The following ZNF469 variants were observed in gnomAD, a reference collection of about 807,000 sequenced individuals.
ZNF469 encodes the protein zinc finger protein 469.
Under a neutral mutation model 1.0 loss-of-function variants are expected in ZNF469, and 1 was observed. That is an observed-to-expected ratio of 1.00 (90% CI 0.35 to 4.73). The LOEUF (loss-of-function observed/expected upper bound fraction) is 4.73, where lower values mean the gene tolerates loss of function less well. Among genes scored for constraint, ZNF469 ranks in the 30% most tolerant of loss-of-function variants. The probability of loss-of-function intolerance (pLI) is 0.16; values close to 1 mark genes in which losing one functional copy is unlikely to be tolerated. For synonymous variants in ZNF469, 2,703 were observed against 2,363.4 expected (o/e 1.14, Z -4.17); for missense variants, 6,100 against 5,356.3 (o/e 1.14, Z -4.33).
In ZNF469 at chr16:88,430,958, CG is replaced by C; in HGVS notation, c.3491del (p.Gly1164AlafsTer100). The C allele has an allele frequency of 6.5e-7, 1 of 1,535,750 alleles. No homozygotes were observed. The highest frequency in any genetic ancestry group is 8.7e-7 in the Non-Finnish European group (1 of 1,144,878). On this transcript the variant is annotated frameshift_variant, in exon 3 of 3. Transcript: ENST00000565624. LOFTEE classifies it low-confidence loss of function (END_TRUNC). ...ANPEEPGGSR[P>X]GPGRSPQARG... Reference sequence around the variant, plus strand: ...CCCGAGGAGCCGGGCGGGTCTCGCCCGGGCCCCGGCAGGAGCCCTCAGGCCC... The same window carrying C: ...CCCGAGGAGCCGGGCGGGTCTCGCCCGGCCCCGGCAGGAGCCCTCAGGCCC...
rs1013562167 is a variant in ZNF469 at position 88,432,854 on chromosome 16, C to G, written c.5384C>G (p.Ala1795Gly). 4.5e-6 allele frequency: 7 copies of G among 1,550,124 alleles called. No individual in the cohort carries two copies. The highest frequency in any genetic ancestry group is 6.1e-6 in the Non-Finnish European group (7 of 1,146,960). The change falls in exon 3 of 3, where the codon GCT becomes GGT. Residue 1795 changes from alanine to glycine, a missense_variant. Physicochemically the swap from Ala to Gly is moderately conservative, Grantham distance 60 (BLOSUM62 0). Transcript: ENST00000565624. ...CACCGAGGGGCCCCTGCTCCAGAAG[C>G]TTTTGGCAGCCCTGCTGTCCATCTG... ...QPHRGAPAPE[A>G]FGSPAVHLAP... is the part of the protein sequence containing the mutation.
chr16:88,354,552 G>A, the ZNF469 span, among the ~76,000 whole-genome samples: 1 of 152,182 alleles, frequency 6.6e-6, no homozygotes, highest in Non-Finnish European at 1.5e-5. Context: ...TGTCCAGTAG[G>A]GATAGCGGGA....
the ZNF469 span, among the ~76,000 whole-genome samples, chr16:88,229,643 GTGCT>G: frequency 5.3e-5 from 6 of 113,816 alleles, no homozygotes; most frequent in South Asian, 1.1e-3. Flanking sequence ...TCACGTGTGT[GTGCT>G]GATGTCACGC....
the ZNF469 span, among the ~76,000 whole-genome samples, chr16:88,185,750 G>A: frequency 8.5e-5 from 4 of 47,276 alleles, no homozygotes; most frequent in African/African-American, 3.0e-4. Flanking sequence ...ACACTCGTGT[G>A]CCCAGACCCA....
At position 88,437,177 on chromosome 16, in the gene ZNF469, C is replaced by T. The variant is rs1300846498; in HGVS notation, c.9707C>T (p.Pro3236Leu). The change falls in exon 3 of 3, where the codon CCC becomes CTC. Residue 3236 changes from proline (P) to leucine (L), a missense_variant. By Grantham distance (98) the Pro-to-Leu change is moderately conservative. Transcript: ENST00000565624. ...HLLNSITEPA[P>L]KHHRGKRSAG... ...CTGAACAGCATCACGGAACCCGCGCCCAAACACCACAGGGGCAAGCGCTCC... is the reference window on the plus strand; with the variant it reads ...CTGAACAGCATCACGGAACCCGCGCTCAAACACCACAGGGGCAAGCGCTCC... 6.5e-7 allele frequency: 1 copy of T among 1,549,522 alleles called. No individual in the cohort carries two copies. The highest frequency in any genetic ancestry group is 2.0e-5 in the Admixed American group (1 of 50,984).
rs890326716 is a variant in ZNF469, at chr16:88,433,354, G to A, written c.5884G>A (p.Val1962Met). ...CGPAQGSPGG[V>M]QVTTLPAVAG... ...CCCCGCCCAGGGCTCCCCAGGGGGT[G>A]TGCAGGTGACAACTCTCCCTGCAGT... Residue 1962 changes from valine to methionine, a missense_variant, in exon 3 of 3, where the codon GTG (valine) becomes ATG (methionine). Val to Met is a conservative substitution (Grantham distance 21). Transcript: ENST00000565624. 5 of 1,550,298 alleles carry A rather than the reference G, an allele frequency of 3.2e-6. No homozygotes were observed. The highest frequency in any genetic ancestry group is 4.9e-5 in the East Asian group (2 of 40,920).
the ZNF469 span, among the ~76,000 whole-genome samples, chr16:88,212,903 A>C: frequency 1.3e-5 from 2 of 151,980 alleles, no homozygotes; most frequent in Admixed American, 6.6e-5. Flanking sequence ...AGTTCCATCA[A>C]CTTGTACCTT....
At chr16:88,243,546 C>T in the ZNF469 span, among the ~76,000 whole-genome samples, 1 of 152,138 alleles carries the variant, frequency 6.6e-6, no homozygotes, top group Non-Finnish European at 1.5e-5. Flanking sequence ...AACTTGGGTT[C>T]CCAGGCGAGC....
At chr16:88,380,992 A>ACAT (rs1491412830), upstream of ZNF469, among the ~76,000 whole-genome samples, 2 of 92,616 alleles carry the variant, frequency 2.2e-5, no homozygotes, top group African/African-American at 5.0e-5. Context: ...GCACTCACAC[A>ACAT]GACATGCACT....
At chr16:88,224,610 A>G in the ZNF469 span, among the ~76,000 whole-genome samples, 1 of 152,170 alleles carries the variant, frequency 6.6e-6, no homozygotes, top group Non-Finnish European at 1.5e-5. Context: ...GAGCAGCCTG[A>G]CACGCAGCAG....
the ZNF469 span, among the ~76,000 whole-genome samples, chr16:88,364,182 G>A: frequency 2.6e-5 from 4 of 152,138 alleles, no homozygotes; most frequent in Middle Eastern, 3.2e-3. Context: ...TCAACATTCA[G>A]TACTCAGTTG....
At chr16:88,317,840 C>T in the ZNF469 span, among the ~76,000 whole-genome samples, 2 of 152,240 alleles carry the variant, frequency 1.3e-5, no homozygotes, top group Admixed American at 6.5e-5. Context: ...ATTCACCATA[C>T]TTCCTCCTGC....
chr16:88,334,973 G>T, the ZNF469 span, among the ~76,000 whole-genome samples: 1 of 152,138 alleles, frequency 6.6e-6, no homozygotes, highest in Admixed American at 6.5e-5. Context: ...TGGAGATGGA[G>T]GGGGAGCCGT....
chr16:88,170,218 C>T, the ZNF469 span, among the ~76,000 whole-genome samples: 19 of 152,282 alleles, frequency 1.2e-4, no homozygotes, highest in Non-Finnish European at 2.4e-4. This position sits in a 1 kb window ranked among gnomAD's most constrained non-coding sequence, Gnocchi z 4.2. Flanking sequence ...CTTTGATGTG[C>T]GTATACACTG....
chr16:88,377,494 G>A, the ZNF469 span, among the ~76,000 whole-genome samples: 68 of 152,282 alleles, frequency 4.5e-4, no homozygotes, highest in East Asian at 4.5e-3. Context: ...TTTTGCTCTC[G>A]ACTGGGGCCA....
chr16:88,386,388 C>T (rs1889666649), intron 1 of ZNF469, among the ~76,000 whole-genome samples: 1 of 152,144 alleles, frequency 6.6e-6, no homozygotes, highest in Non-Finnish European at 1.5e-5. Flanking sequence ...CGTCCCGCCC[C>T]ATCTCCACCG....
chr16:88,247,269 G>A, the ZNF469 span, among the ~76,000 whole-genome samples: 13 of 115,822 alleles, frequency 1.1e-4, no homozygotes, highest in East Asian at 3.4e-3. Flanking sequence ...AAGTGAAAGA[G>A]TGAGTGAGTA....
the ZNF469 span, among the ~76,000 whole-genome samples, chr16:88,242,187 G>T: frequency 6.6e-6 from 1 of 152,224 alleles, no homozygotes; most frequent in Non-Finnish European, 1.5e-5. Flanking sequence ...CAAGGGTGAG[G>T]AGCCTGGAGC....
the ZNF469 span, among the ~76,000 whole-genome samples, chr16:88,157,893 C>G: frequency 2.0e-5 from 3 of 152,104 alleles, no homozygotes; most frequent in African/African-American, 7.2e-5. Flanking sequence ...GCTGAATGAC[C>G]AGGGATCCTG....
Sources: allele counts gnomAD v4.1 joint callset (sites outside exome capture counted in the v4.1 genomes callset), GRCh38; gene constraint gnomAD v4.1.1; non-coding constraint Gnocchi (gnomAD v3.1); transcripts MANE v1.5; gene names NCBI Gene and HGNC (gene_info 2026-07-23, HGNC 2026-07-21).